Variants in NAALADL2 observed in about 807,000 individuals in gnomAD.
The protein encoded by NAALADL2 is N-acetylated alpha-linked acidic dipeptidase like 2, also known as inactive N-acetylated-alpha-linked acidic dipeptidase-like protein 2.
NAALADL2 carries 76 observed loss-of-function variants against 87.2 expected under a neutral mutation model. That is an observed-to-expected ratio of 0.87 (90% CI 0.72 to 1.05). The LOEUF is 1.05. NAALADL2 is among the 50% of genes least tolerant of loss of function. The pLI is 0.00. For synonymous variants in NAALADL2, 354 were observed against 331.0 expected (o/e 1.07, Z -0.75); for missense variants, 1,089 against 945.8 (o/e 1.15, Z -1.99).
chr3:175,118,184 A>C (rs1404935830), intron 2 of NAALADL2, among the ~76,000 whole-genome samples: 1 of 151,880 alleles, frequency 6.6e-6, no homozygotes, highest in African/African-American at 2.4e-5. Context: ...GGTGCAGCAC[A>C]CCAACATGGC....
At chr3:175,314,690 A>AGTTC (rs1230116243) in intron 4 of NAALADL2, among the ~76,000 whole-genome samples, 2 of 51,458 alleles carry the variant, frequency 3.9e-5, no homozygotes, top group African/African-American at 1.6e-4. Context: ...ATATATATAT[A>AGTTC]TATATATATA....
intron 2 of NAALADL2, among the ~76,000 whole-genome samples, chr3:175,221,702 G>C (rs1252976768): frequency 6.6e-6 from 1 of 152,004 alleles, no homozygotes; most frequent in Non-Finnish European, 1.5e-5. Flanking sequence ...GCTTCCAGTA[G>C]TAGATATTCA....
At chr3:175,327,301 G>A (rs1351547912) in intron 5 of NAALADL2, among the ~76,000 whole-genome samples, 2 of 151,858 alleles carry the variant, frequency 1.3e-5, no homozygotes, top group South Asian at 2.1e-4. Flanking sequence ...GACTACAGGC[G>A]CCTGCCACCA....
chr3:174,885,198 C>T (rs535329039), intron 1 of NAALADL2, among the ~76,000 whole-genome samples: 2 of 152,288 alleles, frequency 1.3e-5, no homozygotes, highest in East Asian at 3.9e-4. Flanking sequence ...CAGTAGACAC[C>T]TGGTGAGGCT....
At chr3:175,633,755 T>C (rs1055101408) in intron 11 of NAALADL2, among the ~76,000 whole-genome samples, 1 of 151,736 alleles carries the variant, frequency 6.6e-6, no homozygotes, top group Non-Finnish European at 1.5e-5. Context: ...AATTCCTTAT[T>C]TTTCAATGGC....
At chr3:175,750,802 G>A (rs1033374813) in intron 12 of NAALADL2, among the ~76,000 whole-genome samples, 1 of 152,042 alleles carries the variant, frequency 6.6e-6, no homozygotes, top group African/African-American at 2.4e-5. Flanking sequence ...CAATTATTGT[G>A]TGTTTAGATG....
intron 1 of NAALADL2, among the ~76,000 whole-genome samples, chr3:175,079,802 GCACACA>G (rs1184113967): frequency 6.6e-6 from 1 of 151,896 alleles, no homozygotes; most frequent in African/African-American, 2.4e-5. Flanking sequence ...AACTGCACGT[GCACACA>G]CACGTACGTA....
intron 11 of NAALADL2, among the ~76,000 whole-genome samples, chr3:175,659,382 TA>T (rs1259872517): frequency 1.3e-5 from 2 of 152,194 alleles, no homozygotes; most frequent in Non-Finnish European, 2.9e-5. Flanking sequence ...TGTTAGAGTT[TA>T]AAATTCTAGT....
intron 1 of NAALADL2, among the ~76,000 whole-genome samples, chr3:174,920,146 T>G (rs1210827488): frequency 6.6e-6 from 1 of 152,152 alleles, no homozygotes; most frequent in Non-Finnish European, 1.5e-5. Flanking sequence ...GCAAATAAGC[T>G]TTGCCTTCAA....
intron 1 of NAALADL2, among the ~76,000 whole-genome samples, chr3:174,456,070 T>A (rs1005016106): frequency 1.3e-5 from 2 of 151,930 alleles, no homozygotes; most frequent in Non-Finnish European, 2.9e-5. Flanking sequence ...CCAACAACTG[T>A]CAAGCCAAGA....
chr3:175,324,084 T>C lies in NAALADL2; in HGVS notation c.940-91T>C, dbSNP rs937132718. 9.9e-5 allele frequency: 78 copies of C among 787,594 alleles called. No individual in the cohort carries two copies. The African/African-American group carries it at 1.5e-3, about 15-fold the overall frequency. 48.8% of individuals were successfully genotyped at this position (787,594 alleles called of 1,614,324 possible). On this transcript the variant is annotated intron_variant, in intron 4 of 13. Transcript: ENST00000454872. The stretch of plus-strand genomic sequence containing the variant: ...AAAGAAAAAAAAACTGGAAAAAGAG[T>C]CATCTTATCATAGCCACATTGGCAA...
chr3:174,957,655 G>C (rs1741352262), intron 1 of NAALADL2, among the ~76,000 whole-genome samples: 1 of 151,594 alleles, frequency 6.6e-6, no homozygotes, highest in Non-Finnish European at 1.5e-5. Flanking sequence ...CCATTGACCA[G>C]TGTAATATTT....
chr3:174,662,767 T>A (rs1725619520), intron 2 of NAALADL2, among the ~76,000 whole-genome samples: 1 of 152,222 alleles, frequency 6.6e-6, no homozygotes, highest in Non-Finnish European at 1.5e-5. Flanking sequence ...TGGTGCTTAT[T>A]TACGGCCAAT....
intron 2 of NAALADL2, among the ~76,000 whole-genome samples, chr3:175,151,708 A>G (rs1288126797): frequency 3.3e-5 from 5 of 152,178 alleles, no homozygotes; most frequent in African/African-American, 1.2e-4. Flanking sequence ...ATGCATACAT[A>G]CTACTCGACT....
chr3:175,466,846 A>T, intron 7 of NAALADL2, 133 bp from the exon 8 acceptor site: 1 of 731,544 alleles, frequency 1.4e-6, no homozygotes. Flanking sequence ...CAAAAAAATT[A>T]AAGTAGTCTT....
At chr3:174,748,435 C>T (rs1030967631) in intron 3 of NAALADL2, among the ~76,000 whole-genome samples, 1 of 151,456 alleles carries the variant, frequency 6.6e-6, no homozygotes, top group Non-Finnish European at 1.5e-5. Context: ...CTCAGCTCTT[C>T]TGGTACCTTT....
intron 9 of NAALADL2, among the ~76,000 whole-genome samples, chr3:175,484,620 T>A (rs1431220339): frequency 1.3e-5 from 2 of 152,138 alleles, no homozygotes; most frequent in Non-Finnish European, 2.9e-5. Flanking sequence ...GTAAAATATG[T>A]ACAGGGATAT....
At position 175,549,200 on chromosome 3, in the gene NAALADL2, A is replaced by T. The variant is rs141566199; in HGVS notation, c.1654-26841A>T. Among the ~76,000 whole-genome samples the T allele has an allele frequency of 2.8e-3, 429 of 152,070 alleles. 2 individuals are homozygous for T. The highest frequency in any genetic ancestry group is 9.4e-3 in the African/African-American group (392 of 41,544). On this transcript the variant is annotated intron_variant, in intron 9 of 13. Coordinates refer to ENST00000454872, the MANE Select transcript of NAALADL2 (RefSeq NM_207015.3). Reference sequence around the variant, plus strand: ...TGTGTAGTTCTATGATATGATTAAGACTATTTTCATTACTCTGTAAATAAT... The same window carrying T: ...TGTGTAGTTCTATGATATGATTAAGTCTATTTTCATTACTCTGTAAATAAT...
At chr3:174,802,954 G>T (rs1409110085) in intron 3 of NAALADL2, among the ~76,000 whole-genome samples, 1 of 152,076 alleles carries the variant, frequency 6.6e-6, no homozygotes, top group Non-Finnish European at 1.5e-5. Flanking sequence ...GTGTGCATGC[G>T]TCTTTATAGT....
Sources: gnomAD v4.1 joint callset for allele counts (sites outside exome capture counted in the v4.1 genomes callset) on GRCh38, gnomAD v4.1.1 for gene constraint, MANE v1.5 for transcripts, NCBI Gene and HGNC (gene_info 2026-07-23, HGNC 2026-07-21) for gene names.